SSH2: variants seen among roughly 807,000 people sequenced by gnomAD.
SSH2 encodes the protein protein phosphatase Slingshot homolog 2.
A neutral mutation model predicts 135.2 loss-of-function variants in SSH2; 37 were observed. That is an observed-to-expected ratio of 0.27 (90% CI 0.21 to 0.36). The LOEUF is 0.36. Among genes scored for constraint, SSH2 ranks in the 10% least tolerant of loss-of-function variants. The pLI, the probability that SSH2 is intolerant of heterozygous loss-of-function variation, is 1.00. For synonymous variants in SSH2, 628 were observed against 646.2 expected, an observed-to-expected ratio of 0.97 and a Z score of 0.43; for missense variants, 1,408 against 1,765.3, an observed-to-expected ratio of 0.80 and a Z score of 3.63.
chr17:29,736,183 G>C (rs1053316990), intron 3 of SSH2, among the ~76,000 whole-genome samples: 8 of 152,126 alleles, frequency 5.3e-5, no homozygotes, highest in African/African-American at 1.4e-4. Flanking sequence ...AGTACTAGAC[G>C]TAACAGGATT....
chr17:29,831,236 C>T (rs2042838906), intron 2 of SSH2, among the ~76,000 whole-genome samples: 1 of 151,318 alleles, frequency 6.6e-6, no homozygotes, highest in Admixed American at 6.6e-5. Flanking sequence ...CCCCAAAGGA[C>T]ATTGAACACG....
chr17:29,659,407 C>T (rs1282045383), intron 11 of SSH2, among the ~76,000 whole-genome samples: 1 of 152,226 alleles, frequency 6.6e-6, no homozygotes, highest in African/African-American at 2.4e-5. Flanking sequence ...TGATAGGTGT[C>T]TCAGTGTAGT....
At chr17:29,737,078 G>A (rs1386373311) in intron 3 of SSH2, among the ~76,000 whole-genome samples, 2 of 119,038 alleles carry the variant, frequency 1.7e-5, no homozygotes, top group Non-Finnish European at 3.3e-5. Flanking sequence ...CAGCCTGGGC[G>A]ACAGAGCAAG....
intron 2 of SSH2, among the ~76,000 whole-genome samples, chr17:29,842,574 T>C (rs1568008405): frequency 6.6e-6 from 1 of 152,156 alleles, no homozygotes; most frequent in Non-Finnish European, 1.5e-5. Context: ...ACAAATCTTA[T>C]TTCTCCTCAA....
At chr17:29,911,449 G>A (rs1353255096) in intron 1 of SSH2, among the ~76,000 whole-genome samples, 1 of 151,990 alleles carries the variant, frequency 6.6e-6, no homozygotes, top group African/African-American at 2.4e-5. Context: ...ATCACACTTG[G>A]CCCTCATAAA....
At position 29,702,972 on chromosome 17, in the gene SSH2, C is replaced by A. The variant is rs2039048829; in HGVS notation, c.279G>T (p.Arg93=). The A allele has an allele frequency of 1.9e-6, 3 of 1,613,230 alleles. No homozygotes were observed. Among genetic ancestry groups the A allele is most frequent in the South Asian group, 1.1e-5 (1 of 91,028 alleles). Residue 93 remains arginine (R), a synonymous_variant, in exon 4 of 16, where the codon CGG becomes CGT. Coordinates refer to ENST00000540801, the MANE Select transcript of SSH2 (RefSeq NM_001282129.2). The stretch of plus-strand genomic sequence containing the variant: ...TGCAAGCATTACCTGCATGCTTGTT[C>A]CGTCTGTGGCTGATTCTTGGTGTGG... ...GSSTPRISHR[R]NKHAGDLQQH...
At chr17:29,708,299 C>A (rs1368755207) in intron 3 of SSH2, among the ~76,000 whole-genome samples, 1 of 151,994 alleles carries the variant, frequency 6.6e-6, no homozygotes, top group African/African-American at 2.4e-5. Context: ...ATTAAAAAGT[C>A]TGTTCTTGCT....
rs2041337267 is a variant in SSH2, at chr17:29,762,132, C to T, written c.188+31762G>A. ...CTGACCTCCGGTGATCCGCCCGTCT[C>T]GGCCTCCCAAAGTGCTGGGATTACA... On this transcript the variant is annotated intron_variant, in intron 3 of 15. Coordinates refer to ENST00000540801, the MANE Select transcript of SSH2 (RefSeq NM_001282129.2). 2.0e-5 allele frequency among the ~76,000 whole-genome samples: 3 copies of T among 152,016 alleles called. No individual in the cohort carries two copies. The South Asian group carries it at 6.2e-4, about 32-fold the overall frequency.
At chr17:29,816,740 A>G (rs868544241) in intron 2 of SSH2, among the ~76,000 whole-genome samples, 2 of 151,926 alleles carry the variant, frequency 1.3e-5, no homozygotes, top group African/African-American at 4.8e-5. Flanking sequence ...TAATTTACGG[A>G]AATGAAGGAG....
At chr17:29,885,066 A>C (rs1187895365) in intron 1 of SSH2, among the ~76,000 whole-genome samples, 1 of 152,156 alleles carries the variant, frequency 6.6e-6, no homozygotes, top group Non-Finnish European at 1.5e-5. Flanking sequence ...TTTAAGTTTA[A>C]ATTTCTTACC....
intron 2 of SSH2, among the ~76,000 whole-genome samples, chr17:29,828,659 A>C (rs2042785785): frequency 6.6e-6 from 1 of 152,230 alleles, no homozygotes; most frequent in African/African-American, 2.4e-5. Context: ...AATGGTATTT[A>C]AATCCTTTGT....
At chr17:29,677,782 T>G (rs1392329564) in intron 6 of SSH2, 41 bp from the exon 7 acceptor site, 40 of 1,509,958 alleles carry the variant, frequency 2.6e-5, no homozygotes, top group Non-Finnish European at 3.7e-5. Flanking sequence ...TCCCCATTAC[T>G]CTGGGAAGCA....
chr17:29,678,347 A>C (rs2037816381), intron 6 of SSH2, among the ~76,000 whole-genome samples: 1 of 152,156 alleles, frequency 6.6e-6, no homozygotes, highest in South Asian at 2.1e-4. Context: ...CAGCCTCCCG[A>C]AGTGCTGGGA....
chr17:29,929,862 G>T (rs901256383), intron 1 of SSH2, 76 bp downstream of exon 1: 13 of 1,408,658 alleles, frequency 9.2e-6, no homozygotes, highest in African/African-American at 2.8e-5. Context: ...GCGCAGTGGC[G>T]TTCGGCGGGA....
chr17:29,854,304 C>T (rs1195223974), intron 1 of SSH2, among the ~76,000 whole-genome samples: 1 of 151,604 alleles, frequency 6.6e-6, no homozygotes, highest in African/African-American at 2.4e-5. Context: ...GGTAAAACAC[C>T]AAACAAAAAG....
intron 8 of SSH2, chr17:29,676,569 G>A (rs1354330449): frequency 2.1e-5 from 9 of 424,702 alleles, no homozygotes; most frequent in Non-Finnish European, 2.6e-5. Context: ...TATCTAAACC[G>A]TTAAGTCTCT....
At chr17:29,770,738 GC>G (rs1215861268) in intron 3 of SSH2, among the ~76,000 whole-genome samples, 2 of 152,132 alleles carry the variant, frequency 1.3e-5, no homozygotes, top group African/African-American at 4.8e-5. Flanking sequence ...CTCCTAAAGT[GC>G]TGGGATGACA....
At chr17:29,641,884 A>G (rs1433347523) in intron 14 of SSH2, among the ~76,000 whole-genome samples, 1 of 150,638 alleles carries the variant, frequency 6.6e-6, no homozygotes, top group Non-Finnish European at 1.5e-5. Flanking sequence ...CATGATGATC[A>G]CTCCTAGAGC....
intron 1 of SSH2, among the ~76,000 whole-genome samples, chr17:29,897,614 C>T (rs535211325): frequency 6.6e-6 from 1 of 152,112 alleles, no homozygotes; most frequent in South Asian, 2.1e-4. Flanking sequence ...ACAGGAGCAC[C>T]CAGATTCATA....
Sources: allele counts gnomAD v4.1 joint callset (sites outside exome capture counted in the v4.1 genomes callset), GRCh38; gene constraint gnomAD v4.1.1; transcripts MANE v1.5; gene names NCBI Gene and HGNC (gene_info 2026-07-23, HGNC 2026-07-21).